Variants in TRAPPC12 observed in about 807,000 individuals in gnomAD.
The protein encoded by TRAPPC12 is TPR repeat protein 15.
In TRAPPC12, 61 loss-of-function variants were observed where a neutral mutation model predicts 69.2. The observed-to-expected ratio is 0.88, with a 90% CI of 0.72 to 1.09. The LOEUF (loss-of-function observed/expected upper bound fraction) is 1.09. Among genes scored for constraint, TRAPPC12 ranks in the 50% least tolerant of loss-of-function variants. TRAPPC12 has a pLI of 0.00. For synonymous variants in TRAPPC12, 469 were observed against 438.9 expected (o/e 1.07, Z -0.86); for missense variants, 1,101 against 1,016.4 (o/e 1.08, Z -1.13).
intron 5 of TRAPPC12, among the ~76,000 whole-genome samples, chr2:3,425,632 T>C (rs1663059712): frequency 6.6e-6 from 1 of 152,170 alleles, no homozygotes; most frequent in Non-Finnish European, 1.5e-5. Context: ...ATCAGTAACA[T>C]GGGAAAGTCT....
intron 3 of TRAPPC12, among the ~76,000 whole-genome samples, chr2:3,404,092 G>A (rs1200869109): frequency 2.6e-5 from 4 of 152,178 alleles, no homozygotes; most frequent in Non-Finnish European, 5.9e-5. Context: ...TGCCTGCTAC[G>A]CTGACCGGGC....
chr2:3,409,085 G>A (rs1661892968), intron 3 of TRAPPC12, among the ~76,000 whole-genome samples: 1 of 152,202 alleles, frequency 6.6e-6, no homozygotes, highest in African/African-American at 2.4e-5. Context: ...CCCCTCTGGT[G>A]CCATGCCCTG....
chr2:3,473,495 T>A (rs1274257658), intron 9 of TRAPPC12, among the ~76,000 whole-genome samples: 4 of 152,348 alleles, frequency 2.6e-5, no homozygotes, highest in African/African-American at 9.6e-5. Context: ...TTTGTCTGTT[T>A]TTGAGACGAG....
intron 8 of TRAPPC12, among the ~76,000 whole-genome samples, chr2:3,461,362 C>CCCCAGTG (rs112725826): frequency 0.029 from 4,414 of 152,296 alleles, 215 homozygotes; most frequent in African/African-American, 0.1. Context: ...TTTAGCGCAG[C>CCCCAGTG]CCCAGTGCCC....
chr2:3,393,986 CAAAG>C (rs1403346934), intron 2 of TRAPPC12, among the ~76,000 whole-genome samples: 3 of 152,180 alleles, frequency 2.0e-5, no homozygotes, highest in Non-Finnish European at 2.9e-5. Context: ...GCTGCATTAA[CAAAG>C]AAAGCCAAAG....
In TRAPPC12 at chr2:3,479,115, C is replaced by G. The variant is rs1442763868; in HGVS notation, c.1966-104C>G. On this transcript the variant is annotated intron_variant, in intron 11 of 11. Coordinates refer to ENST00000324266, the MANE Select transcript of TRAPPC12 (RefSeq NM_016030.6). The stretch of plus-strand genomic sequence containing the variant: ...GCCACCTAGGCTCTGCCCAGCAGCT[C>G]TGCACCACCCCCAGGCCCCTAACAC... 6 of 1,550,456 alleles carry G rather than the reference C, an allele frequency of 3.9e-6. No individual in the cohort carries two copies. In the African/African-American group the frequency reaches 6.8e-5, roughly 18 times the overall value.
intron 9 of TRAPPC12, 52 bp downstream of exon 9, chr2:3,465,747 G>T: frequency 8.5e-7 from 1 of 1,176,654 alleles, no homozygotes; most frequent in Non-Finnish European, 1.3e-6. Flanking sequence ...ATAGTTCTTT[G>T]CTCAGATGGG....
At chr2:3,442,413 G>T (rs1325625112) in intron 5 of TRAPPC12, among the ~76,000 whole-genome samples, 1 of 152,190 alleles carries the variant, frequency 6.6e-6, no homozygotes, top group Non-Finnish European at 1.5e-5. Flanking sequence ...CGGTTCCACA[G>T]TGACATGACT....
chr2:3,423,993 A>G (rs1662960857), intron 4 of TRAPPC12, among the ~76,000 whole-genome samples: 1 of 152,128 alleles, frequency 6.6e-6, no homozygotes, highest in Non-Finnish European at 1.5e-5. Flanking sequence ...GAAATTCTGC[A>G]GCCCTGAGAG....
At position 3,415,964 on chromosome 2, in the gene TRAPPC12, C is replaced by G. The variant is rs1662365543; in HGVS notation, c.1165-5917C>G. Among the ~76,000 whole-genome samples, 3 of 151,832 alleles carry G rather than the reference C, an allele frequency of 2.0e-5. No homozygotes were observed. The South Asian group carries it at 6.3e-4, about 32-fold the overall frequency. On this transcript the variant is annotated intron_variant, in intron 3 of 11. Transcript: ENST00000324266. ...ATCTCCTGACCTCATGATCCGCCCC[C>G]CTCAGCCTCCCAAAGTGCTGGGATT...
At chr2:3,383,871 GTTTTT>G (rs34956958) in intron 1 of TRAPPC12, among the ~76,000 whole-genome samples, 2 of 85,592 alleles carry the variant, frequency 2.3e-5, no homozygotes, top group African/African-American at 4.1e-5. Flanking sequence ...GTTCAGTCTT[GTTTTT>G]TTTTTTTTTT....
At chr2:3,479,020 T>C in intron 11 of TRAPPC12, 87 bp downstream of exon 11, 1 of 1,497,712 alleles carries the variant, frequency 6.7e-7, no homozygotes, top group Non-Finnish European at 9.2e-7. Context: ...AGCAGGGGCC[T>C]GCGCTCTCTC....
At chr2:3,427,932 C>A (rs1663209094) in intron 5 of TRAPPC12, among the ~76,000 whole-genome samples, 1 of 152,070 alleles carries the variant, frequency 6.6e-6, no homozygotes, top group Admixed American at 6.6e-5. Context: ...GGTCTCTAAC[C>A]TTTACCTTTG....
At chr2:3,454,043 T>C (rs1223160020) in intron 6 of TRAPPC12, among the ~76,000 whole-genome samples, 1 of 152,180 alleles carries the variant, frequency 6.6e-6, no homozygotes, top group Non-Finnish European at 1.5e-5. Flanking sequence ...TCACTGAGGG[T>C]CAGAAGGTTG....
chr2:3,462,858 C>T (rs1463337791), intron 8 of TRAPPC12: 1 of 466,560 alleles, frequency 2.1e-6, no homozygotes, highest in African/African-American at 2.0e-5. Flanking sequence ...GTCCCCACAG[C>T]TCGCCAGTAT....
rs192574222 is a variant in TRAPPC12 at position 3,436,240 on chromosome 2, T to C, written c.1418-7539T>C. 2.6e-5 allele frequency among the ~76,000 whole-genome samples: 4 copies of C among 152,242 alleles called. No homozygotes were observed. The East Asian group carries it at 5.8e-4, about 22-fold the overall frequency. On this transcript the variant is annotated intron_variant, in intron 5 of 11. Transcript: ENST00000324266. ...TTAATAGTATTTCTGAGAAAAAAAA[T>C]ACATATTTTAAGTCTCAATTTGAGA...
At chr2:3,402,261 C>CA (rs1661483912) in intron 3 of TRAPPC12, among the ~76,000 whole-genome samples, 2 of 152,134 alleles carry the variant, frequency 1.3e-5, no homozygotes, top group African/African-American at 4.8e-5. Flanking sequence ...AATTTCTGAA[C>CA]ATTTTTAAGC....
chr2:3,436,062 C>T (rs1663755896), intron 5 of TRAPPC12, among the ~76,000 whole-genome samples: 1 of 152,228 alleles, frequency 6.6e-6, no homozygotes, highest in African/African-American at 2.4e-5. Context: ...CACCCAGCCT[C>T]TTGTGGAGGG....
intron 3 of TRAPPC12, among the ~76,000 whole-genome samples, chr2:3,405,573 A>T (rs910012287): frequency 6.6e-6 from 1 of 152,302 alleles, no homozygotes; most frequent in South Asian, 2.1e-4. Flanking sequence ...ACAAGTTCTC[A>T]CTTGTGTTTC....
Sources: allele counts gnomAD v4.1 joint callset (sites outside exome capture counted in the v4.1 genomes callset), GRCh38; gene constraint gnomAD v4.1.1; transcripts MANE v1.5; gene names NCBI Gene and HGNC (gene_info 2026-07-23, HGNC 2026-07-21).